The following CAMK4 variants were observed in gnomAD, a reference collection of about 807,000 sequenced individuals.
CAMK4 encodes the protein calcium/calmodulin-dependent protein kinase type IV.
In CAMK4, 22 loss-of-function variants were observed where a neutral mutation model predicts 44.9. The observed-to-expected ratio is 0.49, with a 90% CI of 0.35 to 0.70. CAMK4 has a LOEUF of 0.70. Among genes scored for constraint, CAMK4 ranks in the 30% least tolerant of loss-of-function variants. CAMK4 has a pLI of 0.01. For missense variants in CAMK4, 498 were observed against 586.8 expected (o/e 0.85, Z 1.56); for synonymous variants, 218 against 215.4 (o/e 1.01, Z -0.11).
chr5:111,235,067 T>C (rs1748652793), intron 1 of CAMK4, among the ~76,000 whole-genome samples: 1 of 152,220 alleles, frequency 6.6e-6, no homozygotes, highest in Non-Finnish European at 1.5e-5. Context: ...AGACCTTCAC[T>C]TGCATTTTAC....
At chr5:111,263,788 C>T (rs867918574) in intron 1 of CAMK4, among the ~76,000 whole-genome samples, 10 of 152,168 alleles carry the variant, frequency 6.6e-5, no homozygotes, top group Non-Finnish European at 1.0e-4. Flanking sequence ...CTGTAAAGGG[C>T]GGAAGCAGTG....
chr5:111,443,279 TACACACACACACACACACACAC>T (rs60644060), intron 5 of CAMK4, among the ~76,000 whole-genome samples: 3 of 37,462 alleles, frequency 8.0e-5, no homozygotes, highest in Non-Finnish European at 1.6e-4. Context: ...TATATATATA[TACACACACACACACACACACAC>T]ACACACACAC....
At chr5:111,366,004 G>A (rs1006898442) in intron 2 of CAMK4, among the ~76,000 whole-genome samples, 2 of 152,090 alleles carry the variant, frequency 1.3e-5, no homozygotes, top group Non-Finnish European at 2.9e-5. Context: ...GCATGTTAGT[G>A]CCAACATATA....
At chr5:111,393,710 T>C (rs931847376) in intron 4 of CAMK4, among the ~76,000 whole-genome samples, 2 of 151,830 alleles carry the variant, frequency 1.3e-5, no homozygotes, top group African/African-American at 2.4e-5. Context: ...CTGGGGCCTA[T>C]AAGAGGGTGG....
intron 1 of CAMK4, among the ~76,000 whole-genome samples, chr5:111,295,622 A>T (rs545339112): frequency 6.6e-6 from 1 of 152,250 alleles, no homozygotes; most frequent in South Asian, 2.1e-4. Context: ...ATTATGGCTC[A>T]TGGAACACAT....
intron 1 of CAMK4, among the ~76,000 whole-genome samples, chr5:111,324,129 A>G (rs566928244): frequency 6.6e-6 from 1 of 152,160 alleles, no homozygotes; most frequent in South Asian, 2.1e-4. Context: ...AGATTAAAAA[A>G]TAATAAAATA....
intron 7 of CAMK4, among the ~76,000 whole-genome samples, chr5:111,464,539 G>A (rs533396437): frequency 2.6e-5 from 4 of 152,230 alleles, no homozygotes; most frequent in African/African-American, 9.6e-5. Flanking sequence ...GAGTCATAAG[G>A]TTATCTAAAG....
chr5:111,345,880 T>C (rs1456662463), intron 2 of CAMK4, among the ~76,000 whole-genome samples: 1 of 151,944 alleles, frequency 6.6e-6, no homozygotes, highest in Non-Finnish European at 1.5e-5. Flanking sequence ...AGGAAGAGCA[T>C]GTGAACGAGA....
chr5:111,231,012 C>T (rs1057337848), intron 1 of CAMK4, among the ~76,000 whole-genome samples: 2 of 152,102 alleles, frequency 1.3e-5, no homozygotes, highest in African/African-American at 4.8e-5. Context: ...CAAGGTTTTA[C>T]TCAAATTATA....
At chr5:111,410,386 C>A (rs1752589551) in intron 5 of CAMK4, among the ~76,000 whole-genome samples, 1 of 152,084 alleles carries the variant, frequency 6.6e-6, no homozygotes, top group East Asian at 1.9e-4. Flanking sequence ...GGAACTGCCC[C>A]CAAGATTCAA....
chr5:111,342,904 T>C (rs1262107621), intron 1 of CAMK4, among the ~76,000 whole-genome samples: 1 of 151,644 alleles, frequency 6.6e-6, no homozygotes, highest in Non-Finnish European at 1.5e-5. Context: ...TCATTTGTGC[T>C]GTTGTTGTCG....
intron 7 of CAMK4, among the ~76,000 whole-genome samples, chr5:111,471,415 T>A (rs1419907617): frequency 6.6e-6 from 1 of 152,250 alleles, no homozygotes; most frequent in African/African-American, 2.4e-5. Flanking sequence ...CTTCTTAAAA[T>A]GAGTTATCCA....
In CAMK4 at chr5:111,419,586, G is replaced by T. The variant is rs1393492078; in HGVS notation, c.459+24804G>T. ...GTTTTTATGGTTTTAGGTCTAACAT[G>T]TAAGTCTTTTATCCATCTTGAATTA... On this transcript the variant is annotated intron_variant, in intron 5 of 10. Transcript: ENST00000282356. Among the ~76,000 whole-genome samples, 9 of 152,162 alleles carry T rather than the reference G, an allele frequency of 5.9e-5. No homozygotes were observed. The South Asian group carries it at 1.0e-3, about 18-fold the overall frequency.
rs747426152 is a variant in CAMK4, at chr5:111,446,635, G to C, written c.460-51G>C. The C allele has an allele frequency of 1.1e-5, 10 of 924,866 alleles. No individual in the cohort carries two copies. In the East Asian group the frequency reaches 2.4e-4, roughly 22 times the overall value. The allele number at this position is 924,866 out of a possible 1,614,324, so 57.3% of individuals were successfully genotyped here. On this transcript the variant is annotated intron_variant, in intron 5 of 10. Transcript: ENST00000282356. ...CTTAAAAGATTAAGTATAGACATTC[G>C]AACCATAAATAGCATTACACAAATG...
intron 5 of CAMK4, among the ~76,000 whole-genome samples, chr5:111,445,565 A>C (rs913142347): frequency 2.0e-5 from 3 of 152,132 alleles, no homozygotes; most frequent in Non-Finnish European, 4.4e-5. Flanking sequence ...AGTAGCTAGA[A>C]CTACAAGGCA....
chr5:111,419,655 T>C (rs1246421176), intron 5 of CAMK4, among the ~76,000 whole-genome samples: 1 of 152,198 alleles, frequency 6.6e-6, no homozygotes, highest in Non-Finnish European at 1.5e-5. Flanking sequence ...TTCAGCTTTC[T>C]ACATATGGCT....
At chr5:111,285,596 CT>C (rs1482686501) in intron 1 of CAMK4, among the ~76,000 whole-genome samples, 3 of 152,148 alleles carry the variant, frequency 2.0e-5, no homozygotes, top group African/African-American at 4.8e-5. Flanking sequence ...AAAATCCGTG[CT>C]TTTTCATGTG....
intron 5 of CAMK4, among the ~76,000 whole-genome samples, chr5:111,422,693 C>T (rs1031247382): frequency 1.3e-5 from 2 of 152,186 alleles, no homozygotes; most frequent in African/African-American, 4.8e-5. Context: ...TATCTTTAAT[C>T]AAAGGTCCTA....
At chr5:111,302,151 T>C (rs1167817825) in intron 1 of CAMK4, 2 of 152,214 alleles carry the variant, frequency 1.3e-5, no homozygotes, top group East Asian at 1.9e-4. Context: ...GTCCAGCTAC[T>C]AGTTAGCTGT....
Sources: allele counts gnomAD v4.1 joint callset (sites outside exome capture counted in the v4.1 genomes callset), GRCh38; gene constraint gnomAD v4.1.1; transcripts MANE v1.5; gene names NCBI Gene and HGNC (gene_info 2026-07-23, HGNC 2026-07-21).